SLC4A10: variants seen among roughly 807,000 people sequenced by gnomAD.
SLC4A10 encodes the protein solute carrier family 4 member 10.
Under a neutral mutation model 137.7 loss-of-function variants are expected in SLC4A10, and 42 were observed. The observed-to-expected ratio is 0.30, with a 90% CI of 0.24 to 0.39. SLC4A10 has a LOEUF of 0.39. Among genes scored for constraint, SLC4A10 ranks in the 10% least tolerant of loss-of-function variants. The pLI, the probability that SLC4A10 is intolerant of heterozygous loss-of-function variation, is 1.00. For missense variants in SLC4A10, 925 were observed against 1,355.0 expected, an observed-to-expected ratio of 0.68 and a Z score of 4.98; for synonymous variants, 474 against 464.1, an observed-to-expected ratio of 1.02 and a Z score of -0.27.
chr2:161,744,631 A>G (rs1362012854), intron 1 of SLC4A10, among the ~76,000 whole-genome samples: 1 of 152,166 alleles, frequency 6.6e-6, no homozygotes, highest in Non-Finnish European at 1.5e-5. Context: ...CTTGTAAATA[A>G]CATCTATAAC....
At chr2:161,657,535 A>T (rs1281116714) in intron 1 of SLC4A10, among the ~76,000 whole-genome samples, 3 of 152,010 alleles carry the variant, frequency 2.0e-5, no homozygotes, top group Non-Finnish European at 4.4e-5. Context: ...AAAAGATTTC[A>T]TCAGGATTAT....
At chr2:161,909,724 G>A (rs566411351) in intron 15 of SLC4A10, among the ~76,000 whole-genome samples, 4 of 152,262 alleles carry the variant, frequency 2.6e-5, no homozygotes, top group East Asian at 3.9e-4. Flanking sequence ...TGCATAGAAC[G>A]CATATATTTA....
At chr2:161,794,865 T>C (rs2054589680) in intron 2 of SLC4A10, among the ~76,000 whole-genome samples, 1 of 152,068 alleles carries the variant, frequency 6.6e-6, no homozygotes, top group Admixed American at 6.6e-5. Flanking sequence ...TGCGTGTAAC[T>C]GGCACTGGTG....
chr2:161,815,358 T>C lies in SLC4A10; in HGVS notation c.277+10763T>C, dbSNP rs570548545. 6.6e-5 allele frequency among the ~76,000 whole-genome samples: 10 copies of C among 152,244 alleles called. No homozygotes were observed. The South Asian group carries it at 1.9e-3, about 28-fold the overall frequency. On this transcript the variant is annotated intron_variant, in intron 3 of 26. Coordinates refer to ENST00000446997, the MANE Select transcript of SLC4A10 (RefSeq NM_001178015.2). Reference sequence around the variant, plus strand: ...GATCTGAAGGATTTATAAGGCAGTGTTCCCAGCTCTTTGCTCGCTCGCTCT... The same window carrying C: ...GATCTGAAGGATTTATAAGGCAGTGCTCCCAGCTCTTTGCTCGCTCGCTCT...
At chr2:161,879,392 T>A in intron 9 of SLC4A10, 104 bp downstream of exon 9, 2 of 1,216,544 alleles carry the variant, frequency 1.6e-6, no homozygotes, top group Non-Finnish European at 2.3e-6. Context: ...GACTAGAAAC[T>A]AATGTGAAAT....
chr2:161,936,085 A>G (rs1691531769), intron 15 of SLC4A10, among the ~76,000 whole-genome samples: 1 of 152,142 alleles, frequency 6.6e-6, no homozygotes, highest in Admixed American at 6.5e-5. Flanking sequence ...AGTGTATCAC[A>G]TTTATAGATT....
intron 25 of SLC4A10, chr2:161,977,330 T>G (rs1003364692): frequency 2.2e-6 from 1 of 456,330 alleles, no homozygotes; most frequent in Admixed American, 2.4e-5. Context: ...CCCCTGAAAG[T>G]CTTCCCTAAA....
intron 1 of SLC4A10, among the ~76,000 whole-genome samples, chr2:161,671,379 A>C (rs2039701396): frequency 6.6e-6 from 1 of 152,190 alleles, no homozygotes; most frequent in African/African-American, 2.4e-5. Flanking sequence ...TATTGTTCAT[A>C]AGTTGCCCAG....
At chr2:161,837,999 T>A (rs1465270336) in intron 3 of SLC4A10, among the ~76,000 whole-genome samples, 1 of 152,208 alleles carries the variant, frequency 6.6e-6, no homozygotes, top group Non-Finnish European at 1.5e-5. Flanking sequence ...GTTGGCACCC[T>A]GATTTCAGAC....
chr2:161,922,334 G>T (rs1688292548), intron 15 of SLC4A10, among the ~76,000 whole-genome samples: 1 of 151,976 alleles, frequency 6.6e-6, no homozygotes, highest in African/African-American at 2.4e-5. Context: ...ATATATTATG[G>T]TTATATACTT....
intron 8 of SLC4A10, 135 bp downstream of exon 8, chr2:161,874,140 G>A: frequency 1.1e-6 from 1 of 885,110 alleles, no homozygotes; most frequent in Non-Finnish European, 1.7e-6. Flanking sequence ...TTAAAGCATT[G>A]CATCTTCATT....
Position 161,757,757 on chromosome 2 carries a change from A to G in SLC4A10, c.49-13216A>G, listed in dbSNP as rs149234372. 3.9e-5 allele frequency among the ~76,000 whole-genome samples: 6 copies of G among 152,316 alleles called. No individual in the cohort carries two copies. In the East Asian group the frequency reaches 1.2e-3, roughly 29 times the overall value. On this transcript the variant is annotated intron_variant, in intron 1 of 26. Transcript: ENST00000446997. ...CAATACATGGGAACTATTTGTAGCT[A>G]CAATGCTAACTACAAATTAGTTTTA...
chr2:161,701,143 C>A (rs1384551345), intron 1 of SLC4A10, among the ~76,000 whole-genome samples: 1 of 151,982 alleles, frequency 6.6e-6, no homozygotes, highest in Non-Finnish European at 1.5e-5. Context: ...ATCCCAAGGG[C>A]AAAACCAGGA....
intron 1 of SLC4A10, among the ~76,000 whole-genome samples, chr2:161,673,505 A>T (rs1364762040): frequency 1.3e-5 from 2 of 152,316 alleles, no homozygotes; most frequent in South Asian, 2.1e-4. Flanking sequence ...TAAAAGGTAC[A>T]ATCTGGTAAG....
At chr2:161,762,398 C>T (rs2050344859) in intron 1 of SLC4A10, among the ~76,000 whole-genome samples, 1 of 152,054 alleles carries the variant, frequency 6.6e-6, no homozygotes, top group Non-Finnish European at 1.5e-5. Context: ...TGTAACACAG[C>T]AGTCTCCGAG....
chr2:161,740,915 C>T lies in SLC4A10; in HGVS notation c.49-30058C>T, dbSNP rs116817062. Among the ~76,000 whole-genome samples, 1,054 of 152,232 alleles carry T rather than the reference C, an allele frequency of 6.9e-3. 13 individuals carry two copies. Among genetic ancestry groups the T allele is most frequent in the African/African-American group, 0.024 (1,009 of 41,526 alleles). On this transcript the variant is annotated intron_variant, in intron 1 of 26. Transcript: ENST00000446997. ...AATATACATAGTGAAATGCTTACTA[C>T]GGTCAAGCAAATTAACATATTCACG...
At chr2:161,626,135 G>T (rs1369535770) in intron 1 of SLC4A10, among the ~76,000 whole-genome samples, 1 of 152,086 alleles carries the variant, frequency 6.6e-6, no homozygotes, top group Non-Finnish European at 1.5e-5. Flanking sequence ...TCGTGGTATG[G>T]GGATTAGGGA....
chr2:161,644,927 A>G (rs1394779875), intron 1 of SLC4A10, among the ~76,000 whole-genome samples: 2 of 152,186 alleles, frequency 1.3e-5, no homozygotes, highest in African/African-American at 4.8e-5. Flanking sequence ...TTGAAGTGAT[A>G]ATAAAGTTAC....
chr2:161,807,951 A>T (rs979816530), intron 3 of SLC4A10, among the ~76,000 whole-genome samples: 1 of 152,060 alleles, frequency 6.6e-6, no homozygotes, highest in African/African-American at 2.4e-5. Context: ...ATATCTATTT[A>T]TTTATCAATT....
Sources: allele counts gnomAD v4.1 joint callset (sites outside exome capture counted in the v4.1 genomes callset), GRCh38; gene constraint gnomAD v4.1.1; transcripts MANE v1.5; gene names NCBI Gene and HGNC (gene_info 2026-07-23, HGNC 2026-07-21).